Variants in PSMA1 observed in about 807,000 individuals in gnomAD.
PSMA1 encodes the protein proteasome subunit alpha type-1.
PSMA1 carries 3 observed loss-of-function variants against 38.4 expected under a neutral mutation model. That is an observed-to-expected ratio of 0.08 (90% CI 0.04 to 0.20). The LOEUF is 0.20. Ranked by LOEUF, PSMA1 falls within the 10% of genes least tolerant of loss-of-function variation. The pLI, the probability that PSMA1 is intolerant of heterozygous loss-of-function variation, is 1.00. For synonymous variants in PSMA1, 101 were observed against 107.1 expected (o/e 0.94, Z 0.35); for missense variants, 227 against 325.3 (o/e 0.70, Z 2.32).
At chr11:14,508,569 A>AAAAAAAAAAAAAAAAAAAAAAAAAAC (rs1201074271) in intron 8 of PSMA1, among the ~76,000 whole-genome samples, 1 of 149,412 alleles carries the variant, frequency 6.7e-6, no homozygotes. Context: ...CTCAAAAAAA[A>AAAAAAAAAAAAAAAAAAAAAAAAAAC]AAAAAAAACC....
At chr11:14,548,456 ATATG>A (rs1851851768) in intron 2 of PSMA1, among the ~76,000 whole-genome samples, 1 of 152,178 alleles carries the variant, frequency 6.6e-6, no homozygotes, top group Non-Finnish European at 1.5e-5. Flanking sequence ...TTTTACATAC[ATATG>A]TATGTATATA....
intron 2 of PSMA1, among the ~76,000 whole-genome samples, chr11:14,603,661 T>C (rs1237898045): frequency 6.6e-6 from 1 of 152,246 alleles, no homozygotes; most frequent in African/African-American, 2.4e-5. Flanking sequence ...AAGACAAAGA[T>C]GGAAATTATT....
Position 14,513,709 on chromosome 11 carries a change from G to T in PSMA1, c.415-10C>A. On this transcript the variant is annotated splice_polypyrimidine_tract_variant and intron_variant, in intron 6 of 9. Coordinates refer to ENST00000396394, the MANE Select transcript of PSMA1 (RefSeq NM_002786.4). The stretch of plus-strand genomic sequence containing the variant: ...TGTGAGGGCCCATATCCTACAAATA[G>T]AAATAAATACACCACATAATTATTT... The T allele has an allele frequency of 6.4e-7, 1 of 1,566,450 alleles. No homozygotes were observed.
chr11:14,630,842 C>T (rs1032514773), intron 1 of PSMA1, among the ~76,000 whole-genome samples: 5 of 152,152 alleles, frequency 3.3e-5, no homozygotes, highest in African/African-American at 1.2e-4. Context: ...ACAATTTCAG[C>T]TCCTGTTATT....
intron 2 of PSMA1, among the ~76,000 whole-genome samples, chr11:14,590,201 G>C (rs1227175958): frequency 6.6e-6 from 1 of 152,166 alleles, no homozygotes; most frequent in African/African-American, 2.4e-5. Context: ...TGGGAAGATG[G>C]GAAGTTATTT....
chr11:14,597,334 T>G (rs1182113791), intron 2 of PSMA1, among the ~76,000 whole-genome samples: 1 of 152,204 alleles, frequency 6.6e-6, no homozygotes, highest in Non-Finnish European at 1.5e-5. Context: ...AGCTCTTCCT[T>G]GTACCTCTGG....
At chr11:14,507,103 C>T (rs995835820) in intron 9 of PSMA1, among the ~76,000 whole-genome samples, 2 of 152,032 alleles carry the variant, frequency 1.3e-5, no homozygotes, top group African/African-American at 4.8e-5. Flanking sequence ...GTTCTAGCCC[C>T]TAAGTTTTGG....
intron 2 of PSMA1, among the ~76,000 whole-genome samples, chr11:14,545,168 G>A (rs1411505938): frequency 6.6e-6 from 1 of 152,092 alleles, no homozygotes; most frequent in Non-Finnish European, 1.5e-5. Context: ...TTTATGACTT[G>A]TATCTCAATA....
intron 2 of PSMA1, among the ~76,000 whole-genome samples, chr11:14,599,719 G>A (rs1024484583): frequency 6.6e-6 from 1 of 152,086 alleles, no homozygotes; most frequent in Non-Finnish European, 1.5e-5. Flanking sequence ...TGTTATTACC[G>A]ACCTTCTGAA....
chr11:14,558,402 T>G lies in PSMA1; in HGVS notation c.22-39361A>C, dbSNP rs556682719. Among the ~76,000 whole-genome samples, 5 of 152,034 alleles carry G rather than the reference T, an allele frequency of 3.3e-5. No individual in the cohort carries two copies. In the East Asian group the frequency reaches 9.7e-4, roughly 29 times the overall value. On this transcript the variant is annotated intron_variant, in intron 2 of 10. Coordinates refer to the PSMA1 transcript ENST00000418988. ...CTGCAATCCAGTCTGGGCAACAGAG[T>G]AAGCTCCTGTCTCTAAAAAAATTAA...
At chr11:14,555,587 A>C (rs1851933892) in intron 2 of PSMA1, among the ~76,000 whole-genome samples, 1 of 152,126 alleles carries the variant, frequency 6.6e-6, no homozygotes. Flanking sequence ...CACACAGCTA[A>C]CTGTAGTCAC....
chr11:14,624,446 C>T (rs1014057314), intron 1 of PSMA1, among the ~76,000 whole-genome samples: 1 of 152,172 alleles, frequency 6.6e-6, no homozygotes, highest in African/African-American at 2.4e-5. Context: ...TGGGTGTAAT[C>T]AGGACTAGCC....
At chr11:14,633,613 G>A (rs1716710101) in intron 1 of PSMA1, among the ~76,000 whole-genome samples, 1 of 152,234 alleles carries the variant, frequency 6.6e-6, no homozygotes, top group South Asian at 2.1e-4. Flanking sequence ...CCTGCCCCCA[G>A]AAGTGGAGCC....
chr11:14,528,735 C>A (rs894024933), intron 2 of PSMA1, among the ~76,000 whole-genome samples: 5 of 152,096 alleles, frequency 3.3e-5, no homozygotes, highest in African/African-American at 1.2e-4. Context: ...GTGAAAATAG[C>A]CTTAACTGAC....
chr11:14,570,184 C>T (rs1484030290), intron 2 of PSMA1, among the ~76,000 whole-genome samples: 2 of 151,996 alleles, frequency 1.3e-5, no homozygotes, highest in Admixed American at 6.5e-5. Context: ...ACAGAAAGGA[C>T]ATCCGTACCA....
intron 2 of PSMA1, among the ~76,000 whole-genome samples, chr11:14,579,486 CTTTTTT>C (rs756980966): frequency 3.6e-5 from 4 of 112,506 alleles, no homozygotes; most frequent in South Asian, 2.9e-4. Context: ...GCTGCAAAGA[CTTTTTT>C]TTTTTTTTTT....
At chr11:14,576,210 T>C (rs1236686970) in intron 2 of PSMA1, among the ~76,000 whole-genome samples, 2 of 152,192 alleles carry the variant, frequency 1.3e-5, no homozygotes, top group Non-Finnish European at 2.9e-5. Context: ...TTGTAAAAAT[T>C]TTCTCCCATT....
chr11:14,613,303 C>T (rs1429528602), intron 1 of PSMA1, among the ~76,000 whole-genome samples: 1 of 135,414 alleles, frequency 7.4e-6, no homozygotes, highest in African/African-American at 2.6e-5. Context: ...CCAGGCTGGA[C>T]TGCAGTGGCA....
chr11:14,608,326 G>T (rs1565057385), intron 2 of PSMA1, among the ~76,000 whole-genome samples: 1 of 151,860 alleles, frequency 6.6e-6, no homozygotes, highest in Non-Finnish European at 1.5e-5. Flanking sequence ...TTAAGCCTGG[G>T]TCATACAGCG....
Sources: gnomAD v4.1 joint callset for allele counts (sites outside exome capture counted in the v4.1 genomes callset) on GRCh38, gnomAD v4.1.1 for gene constraint, MANE v1.5 for transcripts, NCBI Gene and HGNC (gene_info 2026-07-23, HGNC 2026-07-21) for gene names.